The following TFDP2 variants were observed in gnomAD, a reference collection of about 807,000 sequenced individuals.
TFDP2 encodes transcription factor Dp-2, also known as transcription factor Dp-2 (E2F dimerization partner 2).
Under a neutral mutation model 59.3 loss-of-function variants are expected in TFDP2, and 17 were observed. That is an observed-to-expected ratio of 0.29 (90% confidence interval 0.20 to 0.43). The LOEUF is 0.43. Ranked by LOEUF, TFDP2 falls within the 20% of genes least tolerant of loss-of-function variation. The pLI, the probability that TFDP2 is intolerant of heterozygous loss-of-function variation, is 1.00. For missense variants in TFDP2, 391 were observed against 528.8 expected (o/e 0.74, Z 2.56); for synonymous variants, 180 against 194.7 (o/e 0.92, Z 0.63).
At chr3:142,103,901 T>C (rs114419395) in intron 1 of TFDP2, among the ~76,000 whole-genome samples, 12,928 of 152,130 alleles carry the variant, frequency 0.085, 687 homozygotes, top group Middle Eastern at 0.14. Flanking sequence ...TTTTTTCTGT[T>C]TTTTTCATGT....
intron 3 of TFDP2, among the ~76,000 whole-genome samples, chr3:142,011,590 T>TAAAAAAAAAAA (rs386398107): frequency 1.6e-5 from 1 of 63,860 alleles, no homozygotes; most frequent in Non-Finnish European, 2.7e-5. Flanking sequence ...TAAAGTATAA[T>TAAAAAAAAAAA]AAAAAAAAAA....
At chr3:142,146,949 A>G (rs1401612148) in intron 1 of TFDP2, among the ~76,000 whole-genome samples, 2 of 151,730 alleles carry the variant, frequency 1.3e-5, no homozygotes, top group African/African-American at 4.8e-5. Context: ...TTGTCCAAAC[A>G]TGGCGAGGTG....
At chr3:141,974,453 A>G (rs1164936104) in intron 7 of TFDP2, among the ~76,000 whole-genome samples, 2 of 152,192 alleles carry the variant, frequency 1.3e-5, no homozygotes, top group Non-Finnish European at 2.9e-5. Flanking sequence ...GCAGATCTAC[A>G]CTGAAATATA....
intron 3 of TFDP2, among the ~76,000 whole-genome samples, chr3:142,064,289 G>A (rs1158536690): frequency 6.6e-6 from 1 of 152,120 alleles, no homozygotes; most frequent in Non-Finnish European, 1.5e-5. Context: ...AGCTTCTCCT[G>A]AGAACTTGTT....
intron 3 of TFDP2, among the ~76,000 whole-genome samples, chr3:142,011,888 G>C (rs1488603302): frequency 6.6e-6 from 1 of 152,130 alleles, no homozygotes; most frequent in Non-Finnish European, 1.5e-5. Context: ...ATACTGTAGA[G>C]CCTTTCTGGA....
chr3:142,010,914 G>A (rs372140720), intron 3 of TFDP2, among the ~76,000 whole-genome samples: 1,499 of 121,462 alleles, frequency 0.012, 6 homozygotes, highest in Middle Eastern at 0.027. Flanking sequence ...CAGTTAGAAT[G>A]GCAATCATTA....
intron 1 of TFDP2, among the ~76,000 whole-genome samples, chr3:142,108,433 C>A (rs1404051164): frequency 6.6e-6 from 1 of 152,104 alleles, no homozygotes; most frequent in East Asian, 1.9e-4. Context: ...TGGTTTCAAA[C>A]TCCTGACCTC....
intron 3 of TFDP2, among the ~76,000 whole-genome samples, chr3:142,035,796 A>T (rs528069052): frequency 6.6e-6 from 1 of 152,358 alleles, no homozygotes; most frequent in South Asian, 2.1e-4. Context: ...GCCTGCTGCC[A>T]TACACATAAG....
At chr3:142,095,394 G>A (rs192441040) in intron 2 of TFDP2, among the ~76,000 whole-genome samples, 18 of 152,298 alleles carry the variant, frequency 1.2e-4, no homozygotes, top group African/African-American at 4.3e-4. Context: ...GAATTCAAAT[G>A]CTCTACTAAT....
intron 3 of TFDP2, among the ~76,000 whole-genome samples, chr3:142,014,448 A>G (rs1406281758): frequency 2.0e-5 from 3 of 152,108 alleles, no homozygotes; most frequent in Non-Finnish European, 4.4e-5. Flanking sequence ...CCCAGCATAA[A>G]TAAGTTAAAA....
chr3:142,122,099 C>T (rs1383335899), intron 1 of TFDP2, among the ~76,000 whole-genome samples: 4 of 152,082 alleles, frequency 2.6e-5, no homozygotes, highest in Admixed American at 6.6e-5. Context: ...TCCCAAAGAA[C>T]TAAAAACTCA....
intron 1 of TFDP2, among the ~76,000 whole-genome samples, chr3:142,124,240 G>A (rs2062154101): frequency 6.6e-6 from 1 of 152,046 alleles, no homozygotes; most frequent in South Asian, 2.1e-4. Flanking sequence ...TTGCTCAACT[G>A]ATTCAAAAGT....
At chr3:141,980,710 A>T (rs1941399798) in intron 6 of TFDP2, among the ~76,000 whole-genome samples, 1 of 151,754 alleles carries the variant, frequency 6.6e-6, no homozygotes, top group South Asian at 2.1e-4. Context: ...TAATTTTTGT[A>T]GTTTTAGTAG....
chr3:142,144,924 T>C (rs1394738086), intron 1 of TFDP2, among the ~76,000 whole-genome samples: 1 of 152,124 alleles, frequency 6.6e-6, no homozygotes, highest in African/African-American at 2.4e-5. Context: ...AGAAAAGGAC[T>C]GGAAGAAGGA....
chr3:141,984,270 G>A (rs1426419747), intron 6 of TFDP2, among the ~76,000 whole-genome samples: 1 of 152,162 alleles, frequency 6.6e-6, no homozygotes, highest in Non-Finnish European at 1.5e-5. Flanking sequence ...GGGAGGCCGA[G>A]GTAGGCGGAT....
intron 3 of TFDP2, among the ~76,000 whole-genome samples, chr3:142,039,735 AC>A (rs1946866721): frequency 6.6e-6 from 1 of 152,128 alleles, no homozygotes; most frequent in South Asian, 2.1e-4. Flanking sequence ...TAAGCCTAGC[AC>A]TGAGTAACAA....
chr3:142,077,160 G>A (rs994087394), intron 3 of TFDP2, among the ~76,000 whole-genome samples: 4 of 152,114 alleles, frequency 2.6e-5, no homozygotes, highest in Non-Finnish European at 4.4e-5. Flanking sequence ...AGAAGGAATC[G>A]TCCATCCCAG....
At chr3:141,964,049 G>C (rs1474857529) in intron 9 of TFDP2, 86 bp from the exon 10 acceptor site, 1 of 1,277,796 alleles carries the variant, frequency 7.8e-7, no homozygotes, top group African/African-American at 1.5e-5. Flanking sequence ...TTTAAATATA[G>C]TTTAAAATTA....
chr3:141,973,856 C>T (rs1940209555), intron 8 of TFDP2, among the ~76,000 whole-genome samples, 192 bp downstream of exon 8: 1 of 152,080 alleles, frequency 6.6e-6, no homozygotes, highest in Admixed American at 6.6e-5. Flanking sequence ...TCAGTTTCAT[C>T]ATTTGCAAAT....
Sources: allele counts gnomAD v4.1 joint callset (sites outside exome capture counted in the v4.1 genomes callset), GRCh38; gene constraint gnomAD v4.1.1; transcripts MANE v1.5; gene names NCBI Gene and HGNC (gene_info 2026-07-23, HGNC 2026-07-21).